The following CRADD variants were observed in gnomAD, a reference collection of about 807,000 sequenced individuals.
The protein encoded by CRADD is death domain-containing protein CRADD.
In CRADD, 9 loss-of-function variants were observed where a neutral mutation model predicts 15.5. That is an observed-to-expected ratio of 0.58 (90% CI 0.35 to 1.01). CRADD has a LOEUF of 1.01. Ranked by LOEUF, CRADD falls within the 50% of genes least tolerant of loss-of-function variation. The pLI is 0.02. For synonymous variants in CRADD, 118 were observed against 107.6 expected (o/e 1.10, Z -0.60); for missense variants, 227 against 250.3 (o/e 0.91, Z 0.63).
At chr12:93,746,842 G>A (rs1281394792) in intron 2 of CRADD, among the ~76,000 whole-genome samples, 2 of 150,742 alleles carry the variant, frequency 1.3e-5, no homozygotes, top group East Asian at 3.9e-4. Flanking sequence ...CAGTCATATA[G>A]CAGTGTGGTC....
At chr12:93,691,538 G>A (rs543087212) in intron 2 of CRADD, among the ~76,000 whole-genome samples, 1 of 152,300 alleles carries the variant, frequency 6.6e-6, no homozygotes, top group South Asian at 2.1e-4. Flanking sequence ...ACAGGCATGA[G>A]CCACCGTGCC....
intron 2 of CRADD, among the ~76,000 whole-genome samples, chr12:93,746,023 A>G (rs948473337): frequency 2.6e-5 from 4 of 152,228 alleles, no homozygotes; most frequent in Admixed American, 2.0e-4. Context: ...TAGGAGAAAA[A>G]TAACCATGCT....
intron 2 of CRADD, chr12:93,836,298 G>T (rs1447757502): frequency 1.3e-5 from 2 of 152,172 alleles, no homozygotes; most frequent in Non-Finnish European, 2.9e-5. Flanking sequence ...CTTCAGGAAG[G>T]TAGGAATTGG....
chr12:93,843,346 A>G (rs1297216221), intron 2 of CRADD, among the ~76,000 whole-genome samples: 8 of 149,308 alleles, frequency 5.4e-5, no homozygotes, highest in African/African-American at 1.2e-4. Context: ...CATTTCTACC[A>G]CTAATTTAAT....
intron 2 of CRADD, among the ~76,000 whole-genome samples, chr12:93,785,186 C>T (rs576557254): frequency 1.3e-5 from 2 of 151,872 alleles, no homozygotes; most frequent in African/African-American, 4.8e-5. Context: ...GGTGTATTTT[C>T]CTAGTCTGGG....
chr12:93,802,131 T>A (rs1419358092), intron 2 of CRADD, among the ~76,000 whole-genome samples: 1 of 152,226 alleles, frequency 6.6e-6, no homozygotes, highest in Non-Finnish European at 1.5e-5. Flanking sequence ...TCTTTGCACT[T>A]GTGAATTGTG....
intron 2 of CRADD, among the ~76,000 whole-genome samples, chr12:93,685,705 AAAT>A (rs1248027693): frequency 6.6e-6 from 1 of 152,214 alleles, no homozygotes; most frequent in Non-Finnish European, 1.5e-5. Flanking sequence ...GACTATAAAA[AAAT>A]AGGCCAGGCA....
chr12:93,733,950 T>G (rs1400808051), intron 2 of CRADD, among the ~76,000 whole-genome samples: 1 of 152,172 alleles, frequency 6.6e-6, no homozygotes, highest in Non-Finnish European at 1.5e-5. Flanking sequence ...TTGCCCAGGC[T>G]GGTCTCAAAC....
At chr12:93,704,096 C>T (rs1459303417) in intron 2 of CRADD, among the ~76,000 whole-genome samples, 2 of 146,910 alleles carry the variant, frequency 1.4e-5, no homozygotes, top group African/African-American at 2.5e-5. Context: ...GCTGGAATTA[C>T]AGGTGTGAGC....
intron 2 of CRADD, among the ~76,000 whole-genome samples, chr12:93,829,357 A>G (rs1314368131): frequency 2.6e-5 from 4 of 152,154 alleles, no homozygotes; most frequent in Non-Finnish European, 5.9e-5. Context: ...GGAGGCAGAA[A>G]TCAAACCCCT....
At chr12:93,777,713 A>G (rs756813136) in intron 2 of CRADD, among the ~76,000 whole-genome samples, 1 of 152,190 alleles carries the variant, frequency 6.6e-6, no homozygotes, top group African/African-American at 2.4e-5. Flanking sequence ...TGATGGATAA[A>G]ATTTAGCTCA....
intron 2 of CRADD, among the ~76,000 whole-genome samples, chr12:93,681,510 G>C (rs559888751): frequency 7.9e-5 from 12 of 152,014 alleles, no homozygotes; most frequent in Non-Finnish European, 1.6e-4. Flanking sequence ...ATATGTCTTT[G>C]AATACCTTCC....
At chr12:93,879,059 T>G (rs1377459322) in intron 2 of CRADD, among the ~76,000 whole-genome samples, 1 of 152,174 alleles carries the variant, frequency 6.6e-6, no homozygotes, top group African/African-American at 2.4e-5. Flanking sequence ...TTATCTTTTT[T>G]CCTCATGATT....
chr12:93,720,776 A>G (rs939038799), intron 2 of CRADD, among the ~76,000 whole-genome samples: 2 of 152,110 alleles, frequency 1.3e-5, no homozygotes, highest in Non-Finnish European at 2.9e-5. Flanking sequence ...GCTTTCTCCA[A>G]CCATTTAAAT....
At chr12:93,720,840 G>GTTTTGTT (rs1231433876) in intron 2 of CRADD, among the ~76,000 whole-genome samples, 2 of 152,106 alleles carry the variant, frequency 1.3e-5, no homozygotes, top group Non-Finnish European at 2.9e-5. Flanking sequence ...ATATGATTGG[G>GTTTTGTT]TTTTGTTTTT....
At chr12:93,791,766 A>G (rs1957352193) in intron 2 of CRADD, among the ~76,000 whole-genome samples, 1 of 152,164 alleles carries the variant, frequency 6.6e-6, no homozygotes, top group South Asian at 2.1e-4. Flanking sequence ...AGGTATAAGC[A>G]TATAAAAATA....
intron 2 of CRADD, among the ~76,000 whole-genome samples, chr12:93,753,017 G>GC (rs1377334620): frequency 6.6e-6 from 1 of 152,004 alleles, no homozygotes; most frequent in Non-Finnish European, 1.5e-5. Flanking sequence ...GGAAAGACCC[G>GC]CCCCCGTAAT....
intron 2 of CRADD, among the ~76,000 whole-genome samples, chr12:93,821,488 T>C (rs1157227642): frequency 6.6e-6 from 1 of 152,230 alleles, no homozygotes; most frequent in Non-Finnish European, 1.5e-5. Context: ...TACCTCTCAG[T>C]GGAAAACTAA....
chr12:93,809,723 G>A (rs1593008490), intron 2 of CRADD, among the ~76,000 whole-genome samples: 1 of 152,116 alleles, frequency 6.6e-6, no homozygotes, highest in African/African-American at 2.4e-5. Flanking sequence ...GGAATGAATG[G>A]GCATCTTGGC....
Sources: allele counts gnomAD v4.1 joint callset (sites outside exome capture counted in the v4.1 genomes callset), GRCh38; gene constraint gnomAD v4.1.1; transcripts MANE v1.5; gene names NCBI Gene and HGNC (gene_info 2026-07-23, HGNC 2026-07-21).